Variants in TTC28 observed in about 807,000 individuals in gnomAD.
The protein encoded by TTC28 is tetratricopeptide repeat domain 28, also known as tetratricopeptide repeat protein 28.
Under a neutral mutation model 198.0 loss-of-function variants are expected in TTC28, and 61 were observed. The observed-to-expected ratio is 0.31, with a 90% CI of 0.25 to 0.38. The LOEUF is 0.38. Among genes scored for constraint, TTC28 ranks in the 10% least tolerant of loss-of-function variants. The pLI, the probability that TTC28 is intolerant of heterozygous loss-of-function variation, is 1.00. For missense variants in TTC28, 2,678 were observed against 3,164.0 expected (o/e 0.85, Z 3.69); for synonymous variants, 1,171 against 1,297.8 (o/e 0.90, Z 2.10).
In TTC28 at chr22:27,998,714, C is replaced by T. The variant is rs1020164310; in HGVS notation, c.4945G>A (p.Gly1649Ser). 29 of 1,550,722 alleles carry T rather than the reference C, an allele frequency of 1.9e-5. No homozygotes were observed. The highest frequency in any genetic ancestry group is 2.4e-5 in the East Asian group (1 of 40,932). The change falls in exon 16 of 23, where the codon GGC becomes AGC. Residue 1649 changes from glycine (G) to serine (S), a missense_variant. This residue lies in a region of TTC28 where 314 missense variants were observed against 442.7 expected (regional missense o/e 0.71). Coordinates refer to ENST00000397906, the MANE Select transcript of TTC28 (RefSeq NM_001145418.2). Reference protein sequence around the residue: ...IALTRAFLAAGAQCVLVSLWP... With the variant: ...IALTRAFLAASAQCVLVSLWP... ...AGAGACACGAGGACACACTGAGCGCCGGCAGCCAGGAAGGCCCTTGTCAGC... is the reference window on the plus strand; with the variant it reads ...AGAGACACGAGGACACACTGAGCGCTGGCAGCCAGGAAGGCCCTTGTCAGC...
At chr22:28,344,756 C>T (rs546952443) in intron 2 of TTC28, among the ~76,000 whole-genome samples, 1 of 152,268 alleles carries the variant, frequency 6.6e-6, no homozygotes, top group East Asian at 1.9e-4. Context: ...GTTTTTCTCT[C>T]CTTTCATCTC....
At chr22:28,009,858 T>G (rs1347673848) in intron 14 of TTC28, among the ~76,000 whole-genome samples, 1 of 152,234 alleles carries the variant, frequency 6.6e-6, no homozygotes, top group African/African-American at 2.4e-5. Flanking sequence ...CTAATTAGAC[T>G]CCAACTTTTC....
chr22:28,527,640 C>A (rs985330629), intron 2 of TTC28, among the ~76,000 whole-genome samples: 31 of 152,050 alleles, frequency 2.0e-4, no homozygotes, highest in African/African-American at 7.5e-4. Context: ...ATATAATATA[C>A]TAAATATTTT....
intron 2 of TTC28, among the ~76,000 whole-genome samples, chr22:28,318,802 G>A (rs2045395851): frequency 6.7e-6 from 1 of 148,612 alleles, no homozygotes; most frequent in Non-Finnish European, 1.5e-5. Context: ...TGTAGGCTGG[G>A]AAGTGTATTC....
intron 2 of TTC28, among the ~76,000 whole-genome samples, chr22:28,415,322 T>C (rs975806177): frequency 3.3e-5 from 5 of 152,056 alleles, no homozygotes; most frequent in African/African-American, 7.2e-5. Flanking sequence ...CTTGGAGGCA[T>C]GCAGGTAAGC....
chr22:28,538,533 T>C (rs1240869658), intron 2 of TTC28, among the ~76,000 whole-genome samples: 2 of 151,120 alleles, frequency 1.3e-5, no homozygotes, highest in Non-Finnish European at 2.9e-5. Context: ...CATATTTCAC[T>C]GAATTCCCTT....
intron 2 of TTC28, among the ~76,000 whole-genome samples, chr22:28,622,455 T>C (rs2146188658): frequency 1.3e-5 from 2 of 150,322 alleles, no homozygotes; most frequent in East Asian, 2.0e-4. Flanking sequence ...CTGTCAAATA[T>C]CAACAATTGA....
chr22:28,329,235 A>G (rs2045580201), intron 2 of TTC28, among the ~76,000 whole-genome samples: 1 of 152,202 alleles, frequency 6.6e-6, no homozygotes, highest in Non-Finnish European at 1.5e-5. Flanking sequence ...ATACATACAG[A>G]GTATTATACA....
intron 2 of TTC28, among the ~76,000 whole-genome samples, chr22:28,540,370 C>G (rs1258378183): frequency 6.6e-6 from 1 of 152,074 alleles, no homozygotes; most frequent in African/African-American, 2.4e-5. Flanking sequence ...ATGACCTGGT[C>G]TCACAAGAAC....
intron 5 of TTC28, among the ~76,000 whole-genome samples, chr22:28,176,048 T>G (rs1206942088): frequency 6.6e-6 from 1 of 152,160 alleles, no homozygotes; most frequent in Non-Finnish European, 1.5e-5. Context: ...GATTCTGCAA[T>G]CCTAATACTG....
At chr22:28,161,822 G>A (rs1475260090) in intron 6 of TTC28, among the ~76,000 whole-genome samples, 1 of 145,088 alleles carries the variant, frequency 6.9e-6, no homozygotes, top group East Asian at 2.1e-4. Context: ...AGGAGGGAAG[G>A]AGGGAGGGAG....
chr22:28,592,994 G>A (rs2050461351), intron 2 of TTC28, among the ~76,000 whole-genome samples: 1 of 152,144 alleles, frequency 6.6e-6, no homozygotes, highest in Admixed American at 6.6e-5. Context: ...TTTTGCTAAT[G>A]AAAGGAACCA....
chr22:28,315,983 A>T lies in TTC28; in HGVS notation c.382-9340T>A, dbSNP rs2045345554. ...AGTTAAATGCAAAGACTTTTATAAG[A>T]AACTGATGAGGGCTGGGTGTCTTAT... On this transcript the variant is annotated intron_variant, in intron 2 of 22. Transcript: ENST00000397906. 2.6e-5 allele frequency among the ~76,000 whole-genome samples: 4 copies of T among 152,208 alleles called. No homozygotes were observed. In the South Asian group the frequency reaches 8.3e-4, roughly 32 times the overall value.
intron 6 of TTC28, among the ~76,000 whole-genome samples, chr22:28,161,250 C>T (rs1193897485): frequency 6.6e-6 from 1 of 152,156 alleles, no homozygotes; most frequent in Non-Finnish European, 1.5e-5. Context: ...AACAAAGAAT[C>T]ACCAAGTGCA....
At chr22:28,312,629 T>C (rs2045283499) in intron 2 of TTC28, among the ~76,000 whole-genome samples, 1 of 152,078 alleles carries the variant, frequency 6.6e-6, no homozygotes. Context: ...CATAACAAAA[T>C]GAAGGCAGAA....
Position 28,045,183 on chromosome 22 carries a change from G to C in TTC28, c.3933-14817C>G, listed in dbSNP as rs149285475. The stretch of plus-strand genomic sequence containing the variant: ...ATATGAATGCTGTCTAGCACAGGTT[G>C]AGTATCCTTATCTGAAATGCTTGGG... On this transcript the variant is annotated intron_variant, in intron 12 of 22. Coordinates refer to ENST00000397906, the MANE Select transcript of TTC28 (RefSeq NM_001145418.2). Among the ~76,000 whole-genome samples the C allele has an allele frequency of 4.4e-3, 677 of 152,302 alleles. 4 individuals are homozygous for C. The highest frequency in any genetic ancestry group is 6.5e-3 in the Non-Finnish European group (441 of 68,024).
intron 2 of TTC28, among the ~76,000 whole-genome samples, chr22:28,466,477 T>C (rs995005959): frequency 6.6e-6 from 1 of 152,150 alleles, no homozygotes; most frequent in Non-Finnish European, 1.5e-5. Flanking sequence ...CTATATAAGA[T>C]ATGGTATGCC....
intron 2 of TTC28, among the ~76,000 whole-genome samples, chr22:28,542,345 C>T (rs1000896776): frequency 1.3e-5 from 2 of 152,084 alleles, no homozygotes; most frequent in African/African-American, 4.8e-5. Context: ...TATATATAAT[C>T]GGAGCCACAG....
At chr22:28,046,674 T>C (rs1241411420) in intron 12 of TTC28, among the ~76,000 whole-genome samples, 2 of 152,164 alleles carry the variant, frequency 1.3e-5, no homozygotes, top group African/African-American at 4.8e-5. Flanking sequence ...GCTATATACA[T>C]GGCAATATAT....
Sources: allele counts gnomAD v4.1 joint callset (sites outside exome capture counted in the v4.1 genomes callset), GRCh38; gene constraint gnomAD v4.1.1; regional missense constraint gnomAD v4.1.1; transcripts MANE v1.5; gene names NCBI Gene and HGNC (gene_info 2026-07-23, HGNC 2026-07-21).